ZDHHC14: variants seen among roughly 807,000 people sequenced by gnomAD.
ZDHHC14 encodes the protein palmitoyltransferase ZDHHC14.
In ZDHHC14, 16 loss-of-function variants were observed where a neutral mutation model predicts 47.7. The ratio of observed to expected loss-of-function variants is 0.34; its 90% CI spans 0.23 to 0.51. The LOEUF is 0.51. Ranked by LOEUF, ZDHHC14 falls within the 20% of genes least tolerant of loss-of-function variation. The probability of loss-of-function intolerance (pLI) is 0.97; values close to 1 mark genes in which losing one functional copy is unlikely to be tolerated. For missense variants in ZDHHC14, 515 were observed against 662.5 expected, an observed-to-expected ratio of 0.78 and a Z score of 2.44; for synonymous variants, 293 against 278.9, an observed-to-expected ratio of 1.05 and a Z score of -0.50.
chr6:157,485,630 T>C (rs911557153), intron 1 of ZDHHC14, among the ~76,000 whole-genome samples: 2 of 152,186 alleles, frequency 1.3e-5, no homozygotes, highest in African/African-American at 4.8e-5. Flanking sequence ...GCTAAATCTT[T>C]TTAAAAATTA....
Position 157,673,135 on chromosome 6 carries a change from C to A in ZDHHC14, c.*13C>A. The A allele has an allele frequency of 6.4e-7, 1 of 1,561,176 alleles. No homozygotes were observed. The highest frequency in any genetic ancestry group is 2.2e-4 in the Middle Eastern group (1 of 4,636). ...CAGCTCCGTGTGACCCACATGGCCC[C>A]AGGCCGGGGGACACCAGAGGCTCCT... On this transcript the variant is annotated 3_prime_UTR_variant, in exon 9 of 9. Transcript: ENST00000359775. This position sits in a 1 kb window ranked among gnomAD's most constrained non-coding sequence, Gnocchi z 5.4.
rs537665521 is a variant in ZDHHC14, at chr6:157,593,021, G to A, written c.440G>A (p.Arg147His). The A allele has an allele frequency of 8.1e-6, 13 of 1,614,026 alleles. No individual in the cohort carries two copies. The Admixed American group carries it at 1.2e-4, about 14-fold the overall frequency. Reference protein sequence around the residue: ...IANGTSSGGYRPPPRTKEVII... With the variant: ...IANGTSSGGYHPPPRTKEVII... ...AACGGCACCAGTTCAGGGGGGTACCGCCCGCCTCCCAGAACCAAAGAAGTC... is the reference window on the plus strand; with the variant it reads ...AACGGCACCAGTTCAGGGGGGTACCACCCGCCTCCCAGAACCAAAGAAGTC... The change falls in exon 3 of 9, where the codon CGC (arginine) becomes CAC (histidine). Residue 147 changes from arginine to histidine, a missense_variant. Coordinates refer to ENST00000359775, the MANE Select transcript of ZDHHC14 (RefSeq NM_024630.3).
At chr6:157,409,226 T>C (rs1777825085) in intron 1 of ZDHHC14, among the ~76,000 whole-genome samples, 1 of 152,216 alleles carries the variant, frequency 6.6e-6, no homozygotes, top group Admixed American at 6.5e-5. Flanking sequence ...CACTTTCTGC[T>C]TCCGCGTCCC....
In ZDHHC14 at chr6:157,677,979, G is replaced by A. The variant is rs1161545287; in HGVS notation, c.*4857G>A. The A allele has an allele frequency of 2.0e-5, 3 of 148,976 alleles. No individual in the cohort carries two copies. In the Admixed American group the frequency reaches 2.0e-4, roughly 10 times the overall value. The allele number at this position is 148,976 out of a possible 1,614,324, so 9.2% of individuals were successfully genotyped here. The stretch of plus-strand genomic sequence containing the variant: ...ATTTTAAACTCTTAGTGAATTCAAA[G>A]CTCTAAATCCAAACAATGGTGAACA... On this transcript the variant is annotated 3_prime_UTR_variant, in exon 9 of 9. Transcript: ENST00000359775.
At chr6:157,395,568 G>A (rs933600514) in intron 1 of ZDHHC14, among the ~76,000 whole-genome samples, 4 of 152,110 alleles carry the variant, frequency 2.6e-5, no homozygotes, top group Non-Finnish European at 4.4e-5. Flanking sequence ...GGCCAAGGCC[G>A]GCGGATCAGG....
chr6:157,451,515 AG>A (rs1778802079), intron 1 of ZDHHC14, among the ~76,000 whole-genome samples: 1 of 152,250 alleles, frequency 6.6e-6, no homozygotes, highest in Admixed American at 6.5e-5. Context: ...CTAATAAATG[AG>A]TATATGAATT....
In ZDHHC14 at chr6:157,572,626, T is replaced by C. The variant is rs566488387; in HGVS notation, c.407-20362T>C. On this transcript the variant is annotated intron_variant, in intron 2 of 8. Coordinates refer to ENST00000359775, the MANE Select transcript of ZDHHC14 (RefSeq NM_024630.3). ...ATCATTTAGCATTAGGTATATCTCCTAATGCTATCCCTCCCCCCGCCCCCC... is the reference window on the plus strand; with the variant it reads ...ATCATTTAGCATTAGGTATATCTCCCAATGCTATCCCTCCCCCCGCCCCCC... 6.5e-3 allele frequency among the ~76,000 whole-genome samples: 971 copies of C among 148,440 alleles called. 5 individuals are homozygous for C. Among genetic ancestry groups the C allele is most frequent in the Non-Finnish European group, 0.01 (686 of 66,966 alleles).
At chr6:157,599,754 A>T (rs967795550) in intron 3 of ZDHHC14, among the ~76,000 whole-genome samples, 3 of 152,272 alleles carry the variant, frequency 2.0e-5, no homozygotes, top group African/African-American at 7.2e-5. Flanking sequence ...AGAAAACAGC[A>T]ACCAATAGGT....
chr6:157,623,642 T>C (rs1785284361), intron 3 of ZDHHC14, among the ~76,000 whole-genome samples: 1 of 150,366 alleles, frequency 6.7e-6, no homozygotes, highest in Non-Finnish European at 1.5e-5. Context: ...CTCCACCTCC[T>C]GGGTTCAAGC....
At position 157,434,088 on chromosome 6, in the gene ZDHHC14, T is replaced by C. The variant is rs184242692; in HGVS notation, c.245+51822T>C. 3.8e-3 allele frequency among the ~76,000 whole-genome samples: 576 copies of C among 152,188 alleles called. 3 individuals carry two copies. The highest frequency in any genetic ancestry group is 6.5e-3 in the Non-Finnish European group (442 of 68,012). On this transcript the variant is annotated intron_variant, in intron 1 of 8. Transcript: ENST00000359775. Reference sequence around the variant, plus strand: ...CCTGAGATATATGCTAAAAGATTTTTAAAAATCCAGTTCCAAGATTACATA... The same window carrying C: ...CCTGAGATATATGCTAAAAGATTTTCAAAAATCCAGTTCCAAGATTACATA...
intron 1 of ZDHHC14, among the ~76,000 whole-genome samples, chr6:157,533,448 G>C (rs1189903073): frequency 1.4e-4 from 21 of 152,026 alleles, no homozygotes; most frequent in Admixed American, 1.4e-3. Flanking sequence ...GCTCTACAGA[G>C]ATGGTGATAT....
chr6:157,444,875 G>T (rs911209949), intron 1 of ZDHHC14, among the ~76,000 whole-genome samples: 1 of 152,068 alleles, frequency 6.6e-6, no homozygotes, highest in African/African-American at 2.4e-5. Flanking sequence ...TACGGGAGGG[G>T]TCACTAGTCA....
chr6:157,489,360 G>A (rs1237067625), intron 1 of ZDHHC14, among the ~76,000 whole-genome samples: 5 of 152,008 alleles, frequency 3.3e-5, no homozygotes, highest in South Asian at 2.1e-4. Context: ...AGAAAATCCC[G>A]ACAAGAAGTG....
At chr6:157,639,514 C>T (rs1325856409) in intron 5 of ZDHHC14, among the ~76,000 whole-genome samples, 1 of 152,120 alleles carries the variant, frequency 6.6e-6, no homozygotes. Flanking sequence ...CCATGTTGGC[C>T]AGGCTAGTCT....
intron 1 of ZDHHC14, among the ~76,000 whole-genome samples, chr6:157,382,503 G>C (rs1289718874): frequency 1.3e-5 from 2 of 152,202 alleles, no homozygotes; most frequent in Admixed American, 6.5e-5. Context: ...ACTTGCAAGG[G>C]GGGCCAGGCC....
Position 157,382,096 on chromosome 6 carries a change from G to T in ZDHHC14, c.75G>T (p.Met25Ile). 2 of 1,611,746 alleles carry T rather than the reference G, an allele frequency of 1.2e-6. No individual in the cohort carries two copies. Among genetic ancestry groups the T allele is most frequent in the Non-Finnish European group, 1.7e-6 (2 of 1,178,984 alleles). Residue 25 changes from methionine to isoleucine, a missense_variant, in exon 1 of 9, where the codon ATG becomes ATT. Around this residue, in one of 4 missense-constraint regions of ZDHHC14, gnomAD observed 59 missense variants for 57.7 expected, o/e 1.02. Coordinates refer to ENST00000359775, the MANE Select transcript of ZDHHC14 (RefSeq NM_024630.3). ...TCAGCACCCACAGCTCCTCCCCCATGGAGTCGCCCCACAAGAAGAAGAAAA... is the reference window on the plus strand; with the variant it reads ...TCAGCACCCACAGCTCCTCCCCCATTGAGTCGCCCCACAAGAAGAAGAAAA... ...SQISTHSSSPMESPHKKKKIA... is the reference protein window; with the variant it reads ...SQISTHSSSPIESPHKKKKIA...
chr6:157,485,701 G>GA (rs1398910115), intron 1 of ZDHHC14, among the ~76,000 whole-genome samples: 3 of 150,214 alleles, frequency 2.0e-5, no homozygotes, highest in Non-Finnish European at 3.0e-5. Flanking sequence ...TTTTTGAAGG[G>GA]AAAAAAATCT....
At chr6:157,592,848 G>T (rs1170204484) in intron 2 of ZDHHC14, 140 bp from the exon 3 acceptor site, 3 of 1,475,310 alleles carry the variant, frequency 2.0e-6, no homozygotes, top group Non-Finnish European at 2.7e-6. Flanking sequence ...CAGAGCCCCA[G>T]CCTGGGTAAA....
chr6:157,511,542 G>C (rs546391917), intron 1 of ZDHHC14, among the ~76,000 whole-genome samples: 15 of 108,420 alleles, frequency 1.4e-4, no homozygotes, highest in Admixed American at 1.0e-3. Context: ...CACGAAGCCC[G>C]GGTACTTTTT....
Sources: gnomAD v4.1 joint callset for allele counts (sites outside exome capture counted in the v4.1 genomes callset) on GRCh38, gnomAD v4.1.1 for gene constraint, gnomAD v4.1.1 regional missense constraint, Gnocchi (gnomAD v3.1) non-coding constraint, MANE v1.5 for transcripts, NCBI Gene and HGNC (gene_info 2026-07-23, HGNC 2026-07-21) for gene names.